Variants in AKT3 observed in about 807,000 individuals in gnomAD.
The protein encoded by AKT3 is RAC-gamma serine/threonine-protein kinase.
A neutral mutation model predicts 65.3 loss-of-function variants in AKT3; 15 were observed. The observed-to-expected ratio is 0.23, with a 90% CI of 0.15 to 0.35. The LOEUF is 0.35. Ranked by LOEUF, AKT3 falls within the 10% of genes least tolerant of loss-of-function variation. AKT3 has a pLI of 1.00. For synonymous variants in AKT3, 206 were observed against 183.8 expected, an observed-to-expected ratio of 1.12 and a Z score of -0.98; for missense variants, 243 against 576.5, an observed-to-expected ratio of 0.42 and a Z score of 5.92.
chr1:243,690,625 T>G (rs1684628344), intron 3 of AKT3, among the ~76,000 whole-genome samples: 1 of 151,448 alleles, frequency 6.6e-6, no homozygotes, highest in Middle Eastern at 3.4e-3. Context: ...ACAGGCCTTG[T>G]GGAGTTTCCA....
intron 12 of AKT3, among the ~76,000 whole-genome samples, chr1:243,529,996 C>T (rs1424763565): frequency 6.6e-6 from 1 of 152,092 alleles, no homozygotes; most frequent in Non-Finnish European, 1.5e-5. Flanking sequence ...ATGTAGTTCT[C>T]ATTGTAAAGA....
intron 9 of AKT3, among the ~76,000 whole-genome samples, chr1:243,565,412 A>T (rs1674082636): frequency 6.6e-6 from 1 of 152,106 alleles, no homozygotes; most frequent in Non-Finnish European, 1.5e-5. Context: ...TTTTATAGTG[A>T]CAAGGTCTCA....
chr1:243,691,464 C>CAAACTAGAA (rs1389719407), intron 3 of AKT3, among the ~76,000 whole-genome samples: 1 of 152,048 alleles, frequency 6.6e-6, no homozygotes, highest in Non-Finnish European at 1.5e-5. Flanking sequence ...ATGAGTGGTA[C>CAAACTAGAA]AAACTAGAAA....
In AKT3 at chr1:243,654,719, T is replaced by TTCA. The variant is rs538876073; in HGVS notation, c.285-8685_285-8683dup. Among the ~76,000 whole-genome samples the TTCA allele has an allele frequency of 1.5e-3, 229 of 152,326 alleles. 1 individual carries two copies. Among genetic ancestry groups the TTCA allele is most frequent in the African/African-American group, 5.3e-3 (221 of 41,574 alleles). Reference sequence around the variant, plus strand: ...TCTTTCAGAACTTTGGGGATATCATTTCATCATCTTTGGAAATATTCCATT... The same window carrying TTCA: ...TCTTTCAGAACTTTGGGGATATCATTTCATCATCATCTTTGGAAATATTCCATT... On this transcript the variant is annotated intron_variant, in intron 4 of 13. Transcript: ENST00000673466.
intron 3 of AKT3, among the ~76,000 whole-genome samples, chr1:243,672,926 C>T (rs1479396068): frequency 6.6e-6 from 1 of 152,108 alleles, no homozygotes; most frequent in Non-Finnish European, 1.5e-5. Flanking sequence ...TCCAAATAAA[C>T]GTACTGTGGT....
chr1:243,801,772 CTAGTCTTA>C (rs1189639570), intron 2 of AKT3, among the ~76,000 whole-genome samples: 1 of 152,164 alleles, frequency 6.6e-6, no homozygotes, highest in Non-Finnish European at 1.5e-5. Context: ...AGCTGAAGCA[CTAGTCTTA>C]TAGTAGTGAC....
intron 12 of AKT3, among the ~76,000 whole-genome samples, chr1:243,543,804 T>A (rs1672473468): frequency 6.6e-6 from 1 of 152,212 alleles, no homozygotes; most frequent in African/African-American, 2.4e-5. Flanking sequence ...ACTTTATACA[T>A]AGTAGAAACT....
intron 2 of AKT3, among the ~76,000 whole-genome samples, chr1:243,705,554 C>G (rs1292575961): frequency 6.6e-6 from 1 of 152,030 alleles, no homozygotes; most frequent in African/African-American, 2.4e-5. Context: ...CTCTTAAACA[C>G]AATAACATCT....
rs77756319 is a variant in AKT3 at position 243,753,626 on chromosome 1, T to C, written c.47-57910A>G. On this transcript the variant is annotated intron_variant, in intron 2 of 13. Coordinates refer to ENST00000673466, the MANE Select transcript of AKT3 (RefSeq NM_005465.7). ...ATAATACTGTTCTTTTGTACCTCAA[T>C]GCTGATCAAGGTTGGTAGAGAAATG... 6.5e-3 allele frequency among the ~76,000 whole-genome samples: 993 copies of C among 152,330 alleles called. 10 individuals are homozygous for C. The highest frequency in any genetic ancestry group is 0.023 in the African/African-American group (958 of 41,574).
At chr1:243,607,805 C>A (rs538672089) in intron 8 of AKT3, among the ~76,000 whole-genome samples, 38 of 152,158 alleles carry the variant, frequency 2.5e-4, no homozygotes, top group Admixed American at 4.6e-4. Flanking sequence ...ATGGGAGGGC[C>A]CTGGTGCGTA....
At chr1:243,831,880 T>C (rs191736883) in intron 2 of AKT3, among the ~76,000 whole-genome samples, 26 of 151,576 alleles carry the variant, frequency 1.7e-4, no homozygotes, top group Non-Finnish European at 2.7e-4. Flanking sequence ...AGAAACAAAA[T>C]CTGAAGTATC....
chr1:243,648,980 G>C (rs1482072621), intron 4 of AKT3, among the ~76,000 whole-genome samples: 1 of 151,926 alleles, frequency 6.6e-6, no homozygotes, highest in African/African-American at 2.4e-5. Context: ...TAAGATACAA[G>C]CTTAAGTTAA....
At chr1:243,681,493 T>C (rs1425136413) in intron 3 of AKT3, among the ~76,000 whole-genome samples, 1 of 152,084 alleles carries the variant, frequency 6.6e-6, no homozygotes, top group Non-Finnish European at 1.5e-5. Flanking sequence ...ATAATAAAAC[T>C]CTATCAAATT....
intron 13 of AKT3, among the ~76,000 whole-genome samples, chr1:243,508,566 T>C (rs1669814144): frequency 6.6e-6 from 1 of 151,360 alleles, no homozygotes; most frequent in Non-Finnish European, 1.5e-5. Flanking sequence ...CAGAAACAGA[T>C]GACATTGCTG....
intron 3 of AKT3, 119 bp downstream of exon 3, chr1:243,695,472 C>T: frequency 1.1e-6 from 1 of 879,144 alleles, no homozygotes; most frequent in African/African-American, 1.7e-5. Context: ...CTGAAAATTT[C>T]TCTATTAAAT....
At chr1:243,597,820 T>C (rs780742291) in intron 8 of AKT3, among the ~76,000 whole-genome samples, 8 of 152,210 alleles carry the variant, frequency 5.3e-5, no homozygotes, top group Non-Finnish European at 1.2e-4. Flanking sequence ...GCAGAGACCA[T>C]CTGTCTTGCT....
intron 2 of AKT3, among the ~76,000 whole-genome samples, chr1:243,772,683 C>G (rs187833375): frequency 2.1e-3 from 319 of 152,272 alleles, no homozygotes; most frequent in Middle Eastern, 0.017. Flanking sequence ...CATCCCATTA[C>G]TGGGTATATC....
At chr1:243,784,346 A>G (rs924153236) in intron 2 of AKT3, among the ~76,000 whole-genome samples, 2 of 152,048 alleles carry the variant, frequency 1.3e-5, no homozygotes, top group Admixed American at 1.3e-4. Context: ...ACAAGATTAA[A>G]AAGGCAGACA....
intron 2 of AKT3, among the ~76,000 whole-genome samples, chr1:243,788,072 T>G (rs566167890): frequency 6.6e-6 from 1 of 152,322 alleles, no homozygotes; most frequent in South Asian, 2.1e-4. Flanking sequence ...CAATTTTGAT[T>G]AATCCAGGTA....
Sources: allele counts gnomAD v4.1 joint callset (sites outside exome capture counted in the v4.1 genomes callset), GRCh38; gene constraint gnomAD v4.1.1; transcripts MANE v1.5; gene names NCBI Gene and HGNC (gene_info 2026-07-23, HGNC 2026-07-21).